CDYL2: variants seen among roughly 807,000 people sequenced by gnomAD.
CDYL2 encodes chromodomain Y like 2.
CDYL2 carries 23 observed loss-of-function variants against 49.4 expected under a neutral mutation model. That is an observed-to-expected ratio of 0.47 (90% CI 0.34 to 0.66). The LOEUF is 0.66. CDYL2 is among the 30% of genes least tolerant of loss of function. The probability of loss-of-function intolerance (pLI) is 0.01; values close to 1 mark genes in which losing one functional copy is unlikely to be tolerated. For synonymous variants in CDYL2, 360 were observed against 268.8 expected (o/e 1.34, Z -3.32); for missense variants, 678 against 656.4 (o/e 1.03, Z -0.36).
At chr16:80,655,716 G>T (rs947806512) in intron 2 of CDYL2, among the ~76,000 whole-genome samples, 4 of 152,136 alleles carry the variant, frequency 2.6e-5, no homozygotes, top group Admixed American at 2.6e-4. Flanking sequence ...AGCCAAGCAG[G>T]GATCAGAGCC....
chr16:80,757,551 A>T (rs35535837), intron 1 of CDYL2, among the ~76,000 whole-genome samples: 21,586 of 145,012 alleles, frequency 0.15, 2,984 homozygotes, highest in African/African-American at 0.4. Context: ...AAAAAAAAAA[A>T]AAATATATAT....
At chr16:80,709,475 T>G (rs991864366) in intron 1 of CDYL2, among the ~76,000 whole-genome samples, 4 of 152,002 alleles carry the variant, frequency 2.6e-5, no homozygotes, top group African/African-American at 9.7e-5. Context: ...CATTTTCTTG[T>G]GCACAATTTC....
At chr16:80,654,747 G>A (rs757819071) in intron 2 of CDYL2, among the ~76,000 whole-genome samples, 1 of 152,218 alleles carries the variant, frequency 6.6e-6, no homozygotes, top group Non-Finnish European at 1.5e-5. Flanking sequence ...ATGGGCCTGT[G>A]CCACCCACAG....
At chr16:80,738,507 C>T (rs1210651353) in intron 1 of CDYL2, among the ~76,000 whole-genome samples, 5 of 152,080 alleles carry the variant, frequency 3.3e-5, no homozygotes, top group Admixed American at 1.3e-4. Context: ...AAAAGCCAGA[C>T]ACAAGAGACT....
chr16:80,617,139 C>T (rs1231522851), intron 4 of CDYL2, among the ~76,000 whole-genome samples: 2 of 152,204 alleles, frequency 1.3e-5, no homozygotes, highest in African/African-American at 4.8e-5. Context: ...CTGAGCTCTC[C>T]CCAAATCTGC....
intron 1 of CDYL2, among the ~76,000 whole-genome samples, chr16:80,772,331 C>T (rs1378188317): frequency 6.6e-6 from 1 of 152,120 alleles, no homozygotes; most frequent in African/African-American, 2.4e-5. Context: ...TAACAATTTC[C>T]AATGGGGCTT....
Position 80,684,871 on chromosome 16 carries a change from C to A in CDYL2, c.283G>T (p.Asp95Tyr), listed in dbSNP as rs1393091637. ...SVEKLSHRPS[D>Y]PGKSKGTSHK... Reference sequence around the variant, plus strand: ...GAGGTCCCCTTGCTCTTTCCAGGATCTGAAGGTCTGTGGGACAGTTTCTCA... The same window carrying A: ...GAGGTCCCCTTGCTCTTTCCAGGATATGAAGGTCTGTGGGACAGTTTCTCA... Residue 95 changes from aspartate to tyrosine, a missense_variant, in exon 2 of 7, where the codon GAT becomes TAT. Transcript: ENST00000570137. 1 of 1,614,196 alleles carries A rather than the reference C, an allele frequency of 6.2e-7. No homozygotes were observed. The highest frequency in any genetic ancestry group is 1.7e-5 in the Admixed American group (1 of 60,026).
chr16:80,776,198 G>A (rs1345544020), intron 1 of CDYL2, among the ~76,000 whole-genome samples: 1 of 152,104 alleles, frequency 6.6e-6, no homozygotes, highest in African/African-American at 2.4e-5. Flanking sequence ...TGAAACTTCT[G>A]CAGTTTCTCT....
intron 1 of CDYL2, among the ~76,000 whole-genome samples, chr16:80,730,306 A>G (rs368139541): frequency 0.018 from 2,681 of 152,216 alleles, 32 homozygotes; most frequent in Admixed American, 0.025. Flanking sequence ...AACTGCCATT[A>G]GAGAATGCTA....
At chr16:80,772,365 CA>C (rs1241505957) in intron 1 of CDYL2, among the ~76,000 whole-genome samples, 1 of 152,158 alleles carries the variant, frequency 6.6e-6, no homozygotes, top group African/African-American at 2.4e-5. Context: ...ATAAAACACT[CA>C]AAAACAACAG....
At chr16:80,664,384 C>T (rs1909173486) in intron 2 of CDYL2, among the ~76,000 whole-genome samples, 1 of 152,186 alleles carries the variant, frequency 6.6e-6, no homozygotes, top group African/African-American at 2.4e-5. Flanking sequence ...TCTTCCTCCC[C>T]AAGCGCCGGG....
At chr16:80,645,261 A>G (rs1447923926) in intron 2 of CDYL2, among the ~76,000 whole-genome samples, 1 of 152,244 alleles carries the variant, frequency 6.6e-6, no homozygotes, top group East Asian at 1.9e-4. Flanking sequence ...GCTAATATCC[A>G]GAATCTACAA....
intron 2 of CDYL2, among the ~76,000 whole-genome samples, chr16:80,641,413 G>C (rs1355170323): frequency 6.6e-6 from 1 of 151,994 alleles, no homozygotes; most frequent in South Asian, 2.1e-4. Flanking sequence ...AAACATGAAG[G>C]GGGAATAAAG....
At chr16:80,751,052 T>C (rs16953944) in intron 1 of CDYL2, among the ~76,000 whole-genome samples, 19,225 of 152,120 alleles carry the variant, frequency 0.13, 1,470 homozygotes, top group African/African-American at 0.21. Context: ...TTTCAAAAGA[T>C]AATGTAAAAG....
At chr16:80,678,246 C>A (rs1263514603) in intron 2 of CDYL2, among the ~76,000 whole-genome samples, 5 of 152,276 alleles carry the variant, frequency 3.3e-5, no homozygotes, top group Middle Eastern at 3.4e-3. Flanking sequence ...GCAACAAAAG[C>A]CAAAATTGAC....
intron 1 of CDYL2, among the ~76,000 whole-genome samples, chr16:80,761,149 C>T (rs1363274686): frequency 6.6e-6 from 1 of 152,108 alleles, no homozygotes; most frequent in African/African-American, 2.4e-5. Flanking sequence ...GATTCTCAGG[C>T]CCCACCAGGG....
intron 2 of CDYL2, among the ~76,000 whole-genome samples, chr16:80,660,786 C>T (rs371530659): frequency 2.0e-5 from 3 of 151,956 alleles, no homozygotes; most frequent in East Asian, 1.9e-4. Flanking sequence ...GAAAAACTGC[C>T]CAATCAATAG....
At chr16:80,725,636 T>G (rs1250155047) in intron 1 of CDYL2, among the ~76,000 whole-genome samples, 2 of 152,238 alleles carry the variant, frequency 1.3e-5, no homozygotes, top group Admixed American at 1.3e-4. Context: ...CTAAGCTACA[T>G]GCAGAAGTTC....
chr16:80,779,271 G>C (rs987374229), intron 1 of CDYL2, among the ~76,000 whole-genome samples: 2 of 152,012 alleles, frequency 1.3e-5, no homozygotes, highest in African/African-American at 4.8e-5. Flanking sequence ...GTATGTGACA[G>C]ACAAGAATTA....
Sources: gnomAD v4.1 joint callset for allele counts (sites outside exome capture counted in the v4.1 genomes callset) on GRCh38, gnomAD v4.1.1 for gene constraint, MANE v1.5 for transcripts, NCBI Gene and HGNC (gene_info 2026-07-23, HGNC 2026-07-21) for gene names.